CSMD3: variants seen among roughly 807,000 people sequenced by gnomAD.
The protein encoded by CSMD3 is CUB and sushi domain-containing protein 3.
CSMD3 carries 177 observed loss-of-function variants against 435.2 expected under a neutral mutation model. The observed-to-expected ratio is 0.41, with a 90% CI of 0.36 to 0.46. CSMD3 has a LOEUF of 0.46. Among genes scored for constraint, CSMD3 ranks in the 20% least tolerant of loss-of-function variants. CSMD3 has a pLI of 0.34. For missense variants in CSMD3, 4,265 were observed against 4,504.6 expected, an observed-to-expected ratio of 0.95 and a Z score of 1.52; for synonymous variants, 1,656 against 1,520.5, an observed-to-expected ratio of 1.09 and a Z score of -2.07.
At chr8:112,828,885 G>A (rs1213413393) in intron 12 of CSMD3, among the ~76,000 whole-genome samples, 2 of 152,072 alleles carry the variant, frequency 1.3e-5, no homozygotes, top group African/African-American at 4.8e-5. Context: ...TTCTAGAAAA[G>A]TAACACTAAA....
intron 12 of CSMD3, among the ~76,000 whole-genome samples, chr8:112,817,654 CAG>C (rs765210501): frequency 1.3e-5 from 2 of 151,356 alleles, no homozygotes; most frequent in Non-Finnish European, 2.9e-5. Context: ...AAAATGAACA[CAG>C]AGATACAGAA....
chr8:112,352,940 T>A (rs1409139353), intron 38 of CSMD3, among the ~76,000 whole-genome samples: 1 of 145,408 alleles, frequency 6.9e-6, no homozygotes, highest in Non-Finnish European at 1.6e-5. Flanking sequence ...AACTTAAAAA[T>A]TATTTGCTAT....
chr8:112,597,828 TA>T (rs1194321538), intron 22 of CSMD3, among the ~76,000 whole-genome samples: 1 of 97,530 alleles, frequency 1.0e-5, no homozygotes, highest in Non-Finnish European at 2.0e-5. Context: ...CCCTTCATGC[TA>T]AAAACTCTCA....
chr8:112,521,557 C>T (rs1000328664), intron 27 of CSMD3, among the ~76,000 whole-genome samples: 1 of 151,858 alleles, frequency 6.6e-6, no homozygotes, highest in South Asian at 2.1e-4. Context: ...TGACTGAGGG[C>T]TGGAGTACCT....
Position 112,336,585 on chromosome 8 carries a change from T to G in CSMD3, c.7019+67A>C, listed in dbSNP as rs566637021. The G allele has an allele frequency of 5.6e-6, 7 of 1,245,550 alleles. No individual in the cohort carries two copies. The South Asian group carries it at 7.3e-5, about 13-fold the overall frequency. The allele number at this position is 1,245,550 out of a possible 1,614,324, so 77.2% of individuals were successfully genotyped here. The stretch of plus-strand genomic sequence containing the variant: ...ATTTGTAACAGAGGATTGTGATATA[T>G]TTTTATTCCAACCTTGTTTTACTGT... On this transcript the variant is annotated intron_variant, in intron 44 of 70. Transcript: ENST00000297405.
intron 30 of CSMD3, among the ~76,000 whole-genome samples, chr8:112,496,307 G>A (rs1282366893): frequency 6.6e-6 from 1 of 152,112 alleles, no homozygotes; most frequent in East Asian, 1.9e-4. Context: ...ACAAATACTG[G>A]TGAGAATGAG....
chr8:112,454,316 G>A (rs952183719), intron 32 of CSMD3, among the ~76,000 whole-genome samples: 7 of 152,004 alleles, frequency 4.6e-5, no homozygotes, highest in Non-Finnish European at 1.0e-4. Context: ...AATCAACAGA[G>A]TACACAGACA....
At chr8:113,435,212 G>A (rs2094698392) in intron 1 of CSMD3, among the ~76,000 whole-genome samples, 1 of 152,192 alleles carries the variant, frequency 6.6e-6, no homozygotes, top group Admixed American at 6.5e-5. Flanking sequence ...TTTCGGCTCA[G>A]AGCTGCTCTG....
At chr8:112,470,957 G>A (rs151286049) in intron 32 of CSMD3, among the ~76,000 whole-genome samples, 16 of 152,060 alleles carry the variant, frequency 1.1e-4, no homozygotes, top group Admixed American at 7.9e-4. Context: ...TTGGCTCAAC[G>A]TAGCAGTTTT....
At chr8:112,545,279 C>A (rs936322638) in intron 27 of CSMD3, among the ~76,000 whole-genome samples, 1 of 151,644 alleles carries the variant, frequency 6.6e-6, no homozygotes, top group East Asian at 2.0e-4. Flanking sequence ...GTCAGGAGAT[C>A]GAGACCATCT....
chr8:112,318,987 C>T, intron 46 of CSMD3, 37 bp from the exon 47 acceptor site: 1 of 1,128,012 alleles, frequency 8.9e-7, no homozygotes, highest in Non-Finnish European at 1.3e-6. Flanking sequence ...ATATAAGCAA[C>T]AAGGTGATGA....
At chr8:112,794,532 T>C (rs1187533038) in intron 13 of CSMD3, among the ~76,000 whole-genome samples, 1 of 151,988 alleles carries the variant, frequency 6.6e-6, no homozygotes, top group Non-Finnish European at 1.5e-5. Context: ...TGACTTCAGA[T>C]GATCCACCCA....
At chr8:112,334,187 C>T (rs375881000) in intron 45 of CSMD3, among the ~76,000 whole-genome samples, 4 of 152,204 alleles carry the variant, frequency 2.6e-5, no homozygotes, top group South Asian at 2.1e-4. Flanking sequence ...TGTTGGATTG[C>T]GTATCAGTTC....
At chr8:112,387,465 A>ATG (rs34034900) in intron 36 of CSMD3, among the ~76,000 whole-genome samples, 30,120 of 144,016 alleles carry the variant, frequency 0.21, 3,152 homozygotes, top group Non-Finnish European at 0.22. Flanking sequence ...GTCATATATT[A>ATG]TGTGTGTGTG....
intron 35 of CSMD3, among the ~76,000 whole-genome samples, chr8:112,401,079 C>G (rs1373810084): frequency 6.6e-6 from 1 of 152,016 alleles, no homozygotes; most frequent in African/African-American, 2.4e-5. Flanking sequence ...CATGGTAGTG[C>G]ATGCCTGTAA....
chr8:112,806,358 T>A (rs2132358540), intron 12 of CSMD3, among the ~76,000 whole-genome samples: 1 of 152,316 alleles, frequency 6.6e-6, no homozygotes, highest in Non-Finnish European at 1.5e-5. Flanking sequence ...TAATAACAAA[T>A]TTCTCAGTTT....
chr8:113,027,850 A>C (rs938711531), intron 5 of CSMD3, among the ~76,000 whole-genome samples: 6 of 152,022 alleles, frequency 3.9e-5, no homozygotes, highest in African/African-American at 1.4e-4. Context: ...GATCTTATAG[A>C]TCTGGGTTCC....
chr8:112,668,593 T>G (rs1361019665), intron 16 of CSMD3, among the ~76,000 whole-genome samples: 1 of 152,054 alleles, frequency 6.6e-6, no homozygotes, highest in East Asian at 1.9e-4. Context: ...AAAGATGTGA[T>G]TGATTGCTGT....
intron 3 of CSMD3, among the ~76,000 whole-genome samples, chr8:113,188,108 C>A (rs1013672611): frequency 6.6e-6 from 1 of 151,968 alleles, no homozygotes; most frequent in Non-Finnish European, 1.5e-5. Flanking sequence ...TACCTTCACA[C>A]AGGAAGCAAT....
Sources: gnomAD v4.1 joint callset for allele counts (sites outside exome capture counted in the v4.1 genomes callset) on GRCh38, gnomAD v4.1.1 for gene constraint, MANE v1.5 for transcripts, NCBI Gene and HGNC (gene_info 2026-07-23, HGNC 2026-07-21) for gene names.